KIR3DL1: variants seen among roughly 807,000 people sequenced by gnomAD.
KIR3DL1 encodes the protein killer cell immunoglobulin like receptor, three Ig domains and long cytoplasmic tail 1, also known as killer cell immunoglobulin-like receptor 3DL1.
KIR3DL1 carries 50 observed loss-of-function variants against 40.3 expected under a neutral mutation model. That is an observed-to-expected ratio of 1.24 (90% confidence interval 0.99 to 1.57). KIR3DL1 has a LOEUF of 1.57. KIR3DL1 is among the 40% of genes most tolerant of loss of function. KIR3DL1 has a pLI of 0.00. For synonymous variants in KIR3DL1, 257 were observed against 207.2 expected (o/e 1.24, Z -2.07); for missense variants, 661 against 559.9 (o/e 1.18, Z -1.82).
chr19:54,829,510 G>A (rs1412390642), intron 7 of KIR3DL1, 45 bp downstream of exon 7: 5 of 1,360,970 alleles, frequency 3.7e-6, no homozygotes, highest in Non-Finnish European at 5.0e-6. Context: ...GGCCATGTGG[G>A]GAAGCAGGAT....
rs200481001 is a variant in KIR3DL1 at position 54,821,723 on chromosome 19, G to A, written c.814G>A (p.Val272Ile). Residue 272 changes from valine to isoleucine, a missense_variant, in exon 5 of 9, where the codon GTC (valine) becomes ATC (isoleucine). Physicochemically the swap from Val to Ile is conservative, Grantham distance 29. This residue lies in a region of KIR3DL1 where 548 missense variants were observed against 413.3 expected (regional missense o/e 1.33). Coordinates refer to ENST00000391728, the Ensembl canonical transcript of KIR3DL1. ...ACGTAGGCTCCCTGCAGTGCGCAAGGTCAACAGAACATTCCAGGCAGATTT... is the reference window on the plus strand; with the variant it reads ...ACGTAGGCTCCCTGCAGTGCGCAAGATCAACAGAACATTCCAGGCAGATTT... 67 of 1,608,766 alleles carry A rather than the reference G, an allele frequency of 4.2e-5. No homozygotes were observed. The highest frequency in any genetic ancestry group is 5.5e-5 in the Non-Finnish European group (65 of 1,177,388).
intron 1 of KIR3DL1, 140 bp from the exon 2 acceptor site, chr19:54,817,394 C>A: frequency 1.3e-6 from 1 of 748,910 alleles, no homozygotes; most frequent in Non-Finnish European, 2.3e-6. Flanking sequence ...ATCCTTGTTC[C>A]TGGGGGCAGG....
chr19:54,828,203 A>G (rs1185316755), intron 6 of KIR3DL1, among the ~76,000 whole-genome samples: 1 of 151,056 alleles, frequency 6.6e-6, no homozygotes, highest in Non-Finnish European at 1.5e-5. Context: ...ACATAAGAGA[A>G]TTCTACTTCG....
In KIR3DL1 at chr19:54,830,141, T is replaced by C. The variant is rs779764716; in HGVS notation, c.1201T>C (p.Leu401=). 3 of 1,524,406 alleles carry C rather than the reference T, an allele frequency of 2.0e-6. No homozygotes were observed. The East Asian group carries it at 7.0e-5, about 36-fold the overall frequency. 94.4% of individuals were successfully genotyped at this position (1,524,406 alleles called of 1,614,324 possible). ...CCCTGAGGAGGTGACATACGCACAG[T>C]TGGATCACTGCGTTTTCACACAGAG... Residue 401 remains leucine (L), a synonymous_variant, in exon 9 of 9, where the codon TTG becomes CTG. Coordinates refer to ENST00000391728, the Ensembl canonical transcript of KIR3DL1.
rs1288526172 is a variant in KIR3DL1 at position 54,819,933 on chromosome 19, C to T, written c.576C>T (p.Thr192=). 2.5e-6 allele frequency: 4 copies of T among 1,611,886 alleles called. No homozygotes were observed. The African/African-American group carries it at 5.4e-5, about 22-fold the overall frequency. Residue 192 remains threonine (T), a synonymous_variant, in exon 4 of 9, where the codon ACC becomes ACT. Coordinates refer to ENST00000391728, the Ensembl canonical transcript of KIR3DL1. ...CCATGATGCTTGCCCTTGCAGGGAC[C>T]TACAGATGCTACGGTTCTGTTACTC...
At chr19:54,818,215 G>C in intron 2 of KIR3DL1, 100 bp from the exon 3 acceptor site, 1 of 1,333,714 alleles carries the variant, frequency 7.5e-7, no homozygotes, top group Non-Finnish European at 1.0e-6. Flanking sequence ...AGGTGTGGTA[G>C]GAGCCTTAGA....
intron 5 of KIR3DL1, among the ~76,000 whole-genome samples, chr19:54,824,352 C>T (rs1472122844): frequency 8.9e-3 from 1,160 of 130,136 alleles, no homozygotes; most frequent in African/African-American, 0.027. Context: ...CTGTCCTTTC[C>T]TGATTGTAAG....
At chr19:54,822,688 C>A (rs1192719969) in intron 5 of KIR3DL1, among the ~76,000 whole-genome samples, 1 of 150,918 alleles carries the variant, frequency 6.6e-6, no homozygotes, top group Non-Finnish European at 1.5e-5. Context: ...CCTTCCTGGC[C>A]TCTGGTGTCC....
intron 4 of KIR3DL1, among the ~76,000 whole-genome samples, chr19:54,820,520 T>G (rs673316): frequency 6.6e-6 from 1 of 151,250 alleles, no homozygotes; most frequent in Non-Finnish European, 1.5e-5. Flanking sequence ...TCATGGCCCC[T>G]GAACACCAAC....
At chr19:54,820,066 C>T in intron 4 of KIR3DL1, 54 bp downstream of exon 4, 1 of 1,566,832 alleles carries the variant, frequency 6.4e-7, no homozygotes, top group Middle Eastern at 1.7e-4. Flanking sequence ...AGTGAATGAT[C>T]CAGGACTTGG....
intron 6 of KIR3DL1, among the ~76,000 whole-genome samples, chr19:54,827,710 T>C (rs1243537720): frequency 6.6e-6 from 1 of 150,752 alleles, no homozygotes. Context: ...TTCTCTATAA[T>C]TACTTCTTTG....
At chr19:54,816,663 G>C in intron 1 of KIR3DL1, 129 bp downstream of exon 1, 1 of 1,404,910 alleles carries the variant, frequency 7.1e-7, no homozygotes, top group South Asian at 1.2e-5. Flanking sequence ...TGGAGATCTG[G>C]GCCTGGAGTG....
At chr19:54,818,553 C>T (rs1474881563) in exon 3 of KIR3DL1, 1 of 1,611,592 alleles carries the variant, frequency 6.2e-7, no homozygotes, top group African/African-American at 1.3e-5. Context: ...CACACTCCCC[C>T]ACTGGGTGGT....
In KIR3DL1 at chr19:54,825,515, C is replaced by A. The variant is rs796443248; in HGVS notation, c.1000+437C>A. Reference sequence around the variant, plus strand: ...CCTGGCTGACTCAGCAGAGCAAGAGCCTTGCCGTAACAGAGAACAGAGCTC... The same window carrying A: ...CCTGGCTGACTCAGCAGAGCAAGAGACTTGCCGTAACAGAGAACAGAGCTC... On this transcript the variant is annotated intron_variant, in intron 6 of 8. Transcript: ENST00000391728. 2.0e-5 allele frequency among the ~76,000 whole-genome samples: 3 copies of A among 150,224 alleles called. No homozygotes were observed. In the East Asian group the frequency reaches 5.8e-4, roughly 29 times the overall value.
intron 4 of KIR3DL1, 80 bp from the exon 5 acceptor site, chr19:54,821,485 G>T: frequency 2.0e-6 from 3 of 1,468,372 alleles, no homozygotes; most frequent in Non-Finnish European, 2.8e-6. Context: ...TAGAGCAGGG[G>T]AGTGAGTTCT....
chr19:54,829,556 T>C, intron 7 of KIR3DL1, 91 bp downstream of exon 7: 1 of 1,137,834 alleles, frequency 8.8e-7, no homozygotes, highest in Non-Finnish European at 1.3e-6. Context: ...ACTGGCAGGA[T>C]GGTCCCTGGC....
chr19:54,816,472 C>A (rs780436533), exon 1 of KIR3DL1: 14 of 1,598,598 alleles, frequency 8.8e-6, no homozygotes, highest in Admixed American at 5.1e-5. Flanking sequence ...TGAGCTGGGG[C>A]GCAGCCGCCT....
At chr19:54,830,381 GTCTTCA>G in exon 9 of KIR3DL1, 3 of 1,281,536 alleles carry the variant, frequency 2.3e-6, no homozygotes, top group Non-Finnish European at 3.3e-6. Flanking sequence ...GAAGGCGTGA[GTCTTCA>G]TCTTAGGGCA....
intron 6 of KIR3DL1, among the ~76,000 whole-genome samples, chr19:54,827,958 T>G (rs2061994436): frequency 6.6e-6 from 1 of 150,478 alleles, no homozygotes; most frequent in South Asian, 2.1e-4. Context: ...AGGTAAATGC[T>G]AATACTCCTT....
Sources: allele counts gnomAD v4.1 joint callset (sites outside exome capture counted in the v4.1 genomes callset), GRCh38; gene constraint gnomAD v4.1.1; regional missense constraint gnomAD v4.1.1; transcripts MANE v1.5; gene names NCBI Gene and HGNC (gene_info 2026-07-23, HGNC 2026-07-21).